Variants in UBR1 observed in about 807,000 individuals in gnomAD.
The protein encoded by UBR1 is E3 ubiquitin-protein ligase UBR1.
A neutral mutation model predicts 242.1 loss-of-function variants in UBR1; 102 were observed. The ratio of observed to expected loss-of-function variants is 0.42; its 90% confidence interval spans 0.36 to 0.50. The LOEUF is 0.50. Among genes scored for constraint, UBR1 ranks in the 20% least tolerant of loss-of-function variants. UBR1 has a pLI of 0.01. For synonymous variants in UBR1, 675 were observed against 684.8 expected, an observed-to-expected ratio of 0.99 and a Z score of 0.22; for missense variants, 1,772 against 2,101.8, an observed-to-expected ratio of 0.84 and a Z score of 3.07.
At chr15:43,093,545 C>A (rs1474200) in intron 1 of UBR1, among the ~76,000 whole-genome samples, 83,846 of 152,014 alleles carry the variant, frequency 0.55, 27,188 homozygotes, top group Non-Finnish European at 0.71. Flanking sequence ...CTTTGGGAGG[C>A]CAAGGCAGGC....
chr15:43,072,401 C>T (rs943626155), intron 4 of UBR1, among the ~76,000 whole-genome samples: 1 of 152,096 alleles, frequency 6.6e-6, no homozygotes, highest in Non-Finnish European at 1.5e-5. Flanking sequence ...ATTTTATGGC[C>T]GAAGATGTGT....
chr15:43,087,976 G>A (rs1426214548), intron 1 of UBR1, among the ~76,000 whole-genome samples: 1 of 152,192 alleles, frequency 6.6e-6, no homozygotes, highest in East Asian at 1.9e-4. Context: ...AGATGTATCT[G>A]TATATGTTTA....
chr15:43,072,480 A>G (rs1488830018), intron 4 of UBR1, among the ~76,000 whole-genome samples: 1 of 152,218 alleles, frequency 6.6e-6, no homozygotes, highest in Non-Finnish European at 1.5e-5. Context: ...AAACAGAGCT[A>G]GTTTTACTTC....
At chr15:43,103,223 C>A (rs529706335) in intron 1 of UBR1, among the ~76,000 whole-genome samples, 1 of 152,084 alleles carries the variant, frequency 6.6e-6, no homozygotes, top group African/African-American at 2.4e-5. Context: ...AAAATTAACT[C>A]GGCATGGTGG....
At chr15:43,030,209 C>T in intron 20 of UBR1, 141 bp from the exon 21 acceptor site, 1 of 946,348 alleles carries the variant, frequency 1.1e-6, no homozygotes. Context: ...TGAATGTGTT[C>T]CCAAATCTGA....
At chr15:43,103,108 T>C (rs565428597) in intron 1 of UBR1, among the ~76,000 whole-genome samples, 2 of 152,318 alleles carry the variant, frequency 1.3e-5, no homozygotes, top group Admixed American at 6.5e-5. Flanking sequence ...GTGGAAGTTA[T>C]AGTGAGCCAA....
chr15:43,078,012 T>TC (rs141500942), intron 3 of UBR1, among the ~76,000 whole-genome samples: 13 of 152,286 alleles, frequency 8.5e-5, no homozygotes, highest in African/African-American at 3.1e-4. Flanking sequence ...CCAAAGGAAT[T>TC]CCCATTGCCT....
At chr15:42,998,611 C>A (rs1007022792) in intron 32 of UBR1, among the ~76,000 whole-genome samples, 2 of 152,256 alleles carry the variant, frequency 1.3e-5, no homozygotes, top group African/African-American at 4.8e-5. Context: ...ATTAACCTTG[C>A]AGGTTTTATC....
chr15:43,089,500 A>AAAATAAAT (rs201033072), intron 1 of UBR1, among the ~76,000 whole-genome samples: 2 of 152,144 alleles, frequency 1.3e-5, no homozygotes, highest in African/African-American at 4.8e-5. Flanking sequence ...ATCTCAACCA[A>AAAATAAAT]AAATAAATAA....
chr15:43,035,140 A>C (rs886741095), intron 19 of UBR1, among the ~76,000 whole-genome samples: 4 of 152,158 alleles, frequency 2.6e-5, no homozygotes, highest in Admixed American at 6.5e-5. Context: ...AAGAAAAAAA[A>C]CTTTTCACAA....
intron 12 of UBR1, among the ~76,000 whole-genome samples, chr15:43,054,372 T>C (rs1377388052): frequency 1.3e-5 from 2 of 151,988 alleles, no homozygotes; most frequent in Non-Finnish European, 2.9e-5. Context: ...GAAAGAAATT[T>C]ATGTCAATAG....
At chr15:43,024,753 G>A (rs1356495649) in intron 25 of UBR1, 76 bp downstream of exon 25, 2 of 1,601,618 alleles carry the variant, frequency 1.2e-6, no homozygotes, top group Non-Finnish European at 1.7e-6. Context: ...TCCAACTGAA[G>A]TTAGACCTGA....
chr15:43,055,057 GA>G (rs1456212875), intron 11 of UBR1, among the ~76,000 whole-genome samples, 158 bp from the exon 12 acceptor site: 1 of 152,134 alleles, frequency 6.6e-6, no homozygotes, highest in Non-Finnish European at 1.5e-5. Flanking sequence ...CAACTACTAA[GA>G]AGTTATTTTC....
At chr15:42,958,634 C>T (rs769464779) in intron 43 of UBR1, among the ~76,000 whole-genome samples, 8 of 152,136 alleles carry the variant, frequency 5.3e-5, no homozygotes, top group Non-Finnish European at 1.0e-4. Flanking sequence ...ATTAAGGAAA[C>T]ATATAGAGCG....
At chr15:42,954,440 A>G (rs1445035165) in intron 44 of UBR1, among the ~76,000 whole-genome samples, 1 of 152,136 alleles carries the variant, frequency 6.6e-6, no homozygotes, top group Non-Finnish European at 1.5e-5. Context: ...TGAAGACCCT[A>G]TTGGGCCAGT....
rs760386041 is a variant in UBR1 at position 43,036,625 on chromosome 15, A to G, written c.2023-32T>C. 2.8e-6 allele frequency: 4 copies of G among 1,418,924 alleles called. No individual in the cohort carries two copies. The East Asian group carries it at 9.1e-5, about 32-fold the overall frequency. The allele number at this position is 1,418,924 out of a possible 1,614,324, so 87.9% of individuals were successfully genotyped here. ...GGTAATAGGTAGAATAAATCCTAAAAGAATTATTTTATTTCAAGCAAAATT... is the reference window on the plus strand; with the variant it reads ...GGTAATAGGTAGAATAAATCCTAAAGGAATTATTTTATTTCAAGCAAAATT... On this transcript the variant is annotated intron_variant, in intron 17 of 46. Coordinates refer to ENST00000290650, the MANE Select transcript of UBR1 (RefSeq NM_174916.3).
chr15:43,043,513 C>T, intron 14 of UBR1, 118 bp from the exon 15 acceptor site: 4 of 914,230 alleles, frequency 4.4e-6, no homozygotes, highest in Non-Finnish European at 6.9e-6. Context: ...ATAATCACAG[C>T]TCACTGCAGC....
intron 29 of UBR1, among the ~76,000 whole-genome samples, chr15:43,009,120 A>C (rs756688223): frequency 1.3e-5 from 2 of 152,236 alleles, no homozygotes; most frequent in Non-Finnish European, 2.9e-5. Flanking sequence ...GCCACGTTGC[A>C]GGTGACAAGA....
intron 29 of UBR1, among the ~76,000 whole-genome samples, chr15:43,008,406 C>T (rs549558365): frequency 2.0e-5 from 3 of 152,358 alleles, no homozygotes; most frequent in African/African-American, 4.8e-5. Flanking sequence ...ACACTAGGGG[C>T]GGTGCTGACA....
Sources: gnomAD v4.1 joint callset for allele counts (sites outside exome capture counted in the v4.1 genomes callset) on GRCh38, gnomAD v4.1.1 for gene constraint, MANE v1.5 for transcripts, NCBI Gene and HGNC (gene_info 2026-07-23, HGNC 2026-07-21) for gene names.